JMY: variants seen among roughly 807,000 people sequenced by gnomAD.
JMY encodes the protein junction mediating and regulatory protein, p53 cofactor, also known as junction-mediating and -regulatory protein.
In JMY, 46 loss-of-function variants were observed where a neutral mutation model predicts 103.3. The ratio of observed to expected loss-of-function variants is 0.45; its 90% CI spans 0.35 to 0.57. JMY has a LOEUF of 0.57. Among genes scored for constraint, JMY ranks in the 20% least tolerant of loss-of-function variants. The pLI, the probability that JMY is intolerant of heterozygous loss-of-function variation, is 0.00. For missense variants in JMY, 1,238 were observed against 1,255.2 expected (o/e 0.99, Z 0.21); for synonymous variants, 526 against 489.3 (o/e 1.07, Z -0.99).
At chr5:79,275,157 T>G (rs1251489401) in intron 1 of JMY, among the ~76,000 whole-genome samples, 4 of 135,206 alleles carry the variant, frequency 3.0e-5, no homozygotes, top group Non-Finnish European at 4.8e-5. Flanking sequence ...TTTCTGAGGG[T>G]TTTTTTTTTT....
chr5:79,278,631 G>A (rs1746019155), intron 2 of JMY, among the ~76,000 whole-genome samples: 2 of 145,798 alleles, frequency 1.4e-5, no homozygotes, highest in Admixed American at 6.9e-5. Context: ...AGCTGGATGT[G>A]GTGGCACATG....
chr5:79,268,710 G>C (rs181743604), intron 1 of JMY, among the ~76,000 whole-genome samples: 18 of 151,958 alleles, frequency 1.2e-4, no homozygotes, highest in Non-Finnish European at 4.4e-5. Flanking sequence ...GGATGGTCTC[G>C]ATCTCTTGAC....
At chr5:79,239,150 A>G (rs940183230) in intron 1 of JMY, among the ~76,000 whole-genome samples, 1 of 152,202 alleles carries the variant, frequency 6.6e-6, no homozygotes, top group Non-Finnish European at 1.5e-5. Flanking sequence ...CTTATACCAT[A>G]GTACTCTCTT....
At chr5:79,256,337 C>T (rs947252163) in intron 1 of JMY, among the ~76,000 whole-genome samples, 2 of 152,124 alleles carry the variant, frequency 1.3e-5, no homozygotes, top group Non-Finnish European at 2.9e-5. Context: ...GCAGTAGCTT[C>T]TCCTATAGTC....
intron 1 of JMY, among the ~76,000 whole-genome samples, chr5:79,277,326 G>A (rs1422362427): frequency 6.6e-6 from 1 of 151,866 alleles, no homozygotes; most frequent in African/African-American, 2.4e-5. Context: ...CATTCTACTA[G>A]ATAGCAGAAA....
intron 2 of JMY, among the ~76,000 whole-genome samples, chr5:79,286,500 G>A (rs1308087537): frequency 1.3e-5 from 2 of 151,984 alleles, no homozygotes; most frequent in Non-Finnish European, 2.9e-5. Flanking sequence ...TAAATTAGCC[G>A]GGTGTGGTGG....
intron 1 of JMY, among the ~76,000 whole-genome samples, chr5:79,268,669 T>C (rs1391526647): frequency 1.3e-5 from 2 of 151,938 alleles, no homozygotes; most frequent in Non-Finnish European, 2.9e-5. Flanking sequence ...TTTATACTTT[T>C]AATAGAGACG....
rs773469563 is a variant in JMY, at chr5:79,291,088, G to A, written c.1358-42G>A. 11 of 1,406,266 alleles carry A rather than the reference G, an allele frequency of 7.8e-6. No homozygotes were observed. The Admixed American group carries it at 2.1e-4, about 27-fold the overall frequency. The allele number at this position is 1,406,266 out of a possible 1,614,324, so 87.1% of individuals were successfully genotyped here. A position where few individuals can be genotyped will look rare whatever the true frequency, so the allele number is the denominator to read the frequency against. ...TCTTTTTCAAATGCTTCAGTATTAA[G>A]TTGTTATTTGTCTTAATTTCTCTTT... On this transcript the variant is annotated intron_variant, in intron 3 of 10. Coordinates refer to ENST00000396137, the MANE Select transcript of JMY (RefSeq NM_152405.5).
intron 1 of JMY, among the ~76,000 whole-genome samples, chr5:79,248,351 G>C (rs375924216): frequency 1.3e-5 from 2 of 152,012 alleles, no homozygotes; most frequent in Middle Eastern, 3.4e-3. Context: ...CTGTCACCCA[G>C]GCTGGAGTGC....
chr5:79,280,708 T>G (rs1261618820), intron 2 of JMY, among the ~76,000 whole-genome samples: 1 of 152,222 alleles, frequency 6.6e-6, no homozygotes, highest in Non-Finnish European at 1.5e-5. Context: ...TCACACAACC[T>G]TGTAAGTTGG....
At position 79,236,798 on chromosome 5, in the gene JMY, AC is replaced by A; in HGVS notation, c.149del (p.Thr50ArgfsTer133). 1 of 1,509,466 alleles carries A rather than the reference AC, an allele frequency of 6.6e-7. No individual in the cohort carries two copies. The highest frequency in any genetic ancestry group is 8.9e-7 in the Non-Finnish European group (1 of 1,127,290). 93.5% of individuals were successfully genotyped at this position (1,509,466 alleles called of 1,614,324 possible). A position where few individuals can be genotyped will look rare whatever the true frequency, so the allele number is the denominator to read the frequency against. On this transcript the variant is annotated frameshift_variant, in exon 1 of 11. Coordinates refer to ENST00000396137, the MANE Select transcript of JMY (RefSeq NM_152405.5). LOFTEE classifies it high-confidence loss of function. Reference sequence around the variant, plus strand: ...GTTTGCCATAACCTGCCACAACCGGACGGCCCAGAGGCAGAGGAGCGGCTCC... The same window carrying A: ...GTTTGCCATAACCTGCCACAACCGGAGGCCCAGAGGCAGAGGAGCGGCTCC... The part of the protein sequence containing the change: ...GKFAITCHNR[T>X]AQRQRSGSRE...
At chr5:79,319,195 T>G (rs533140248) in intron 10 of JMY, among the ~76,000 whole-genome samples, 1 of 152,364 alleles carries the variant, frequency 6.6e-6, no homozygotes, top group African/African-American at 2.4e-5. Context: ...TCATAGCTTC[T>G]GGCTACTAAT....
intron 1 of JMY, among the ~76,000 whole-genome samples, chr5:79,250,412 C>A (rs767295619): frequency 5.3e-5 from 8 of 152,132 alleles, no homozygotes; most frequent in Non-Finnish European, 1.2e-4. Context: ...TTTTTCTTGT[C>A]AATTTTATTG....
intron 8 of JMY, 111 bp from the exon 9 acceptor site, chr5:79,314,146 A>C: frequency 6.7e-7 from 1 of 1,485,620 alleles, no homozygotes; most frequent in Non-Finnish European, 8.9e-7. Context: ...GGCGTGAGCC[A>C]CCACACCCGG....
Position 79,237,385 on chromosome 5 carries a change from G to C in JMY, c.735G>C (p.Leu245=). 1 of 1,613,416 alleles carries C rather than the reference G, an allele frequency of 6.2e-7. No homozygotes were observed. Among genetic ancestry groups the C allele is most frequent in the Non-Finnish European group, 8.5e-7 (1 of 1,179,952 alleles). ...ACCTGCGCGCCGTGCACCAGCAGCT[G>C]TGCTCGGTGAACTCGCAGTTGGAGC... The part of the protein sequence containing the change: ...FQDLRAVHQQ[L]CSVNSQLEPC... The change falls in exon 1 of 11, where the codon CTG becomes CTC. Residue 245 remains leucine, a synonymous_variant. Coordinates refer to ENST00000396137, the MANE Select transcript of JMY (RefSeq NM_152405.5).
chr5:79,256,487 A>C (rs995829775), intron 1 of JMY, among the ~76,000 whole-genome samples: 3 of 151,924 alleles, frequency 2.0e-5, no homozygotes, highest in Non-Finnish European at 2.9e-5. Context: ...GTCTCGCCCC[A>C]CCCCATAGCT....
chr5:79,268,648 C>A (rs530972095), intron 1 of JMY, among the ~76,000 whole-genome samples: 30 of 151,892 alleles, frequency 2.0e-4, no homozygotes, highest in Non-Finnish European at 3.4e-4. Context: ...CCACCATGCC[C>A]GGCTAATTTT....
chr5:79,316,399 G>T, intron 10 of JMY, 89 bp downstream of exon 10: 1 of 997,560 alleles, frequency 1.0e-6, no homozygotes, highest in Non-Finnish European at 1.5e-6. Context: ...TTGAGCCTGA[G>T]GCATATCGTT....
intron 1 of JMY, among the ~76,000 whole-genome samples, chr5:79,240,030 T>C (rs1351886770): frequency 6.6e-6 from 1 of 151,806 alleles, no homozygotes; most frequent in African/African-American, 2.4e-5. Context: ...TTCTTTTTTT[T>C]TTTGAGATGG....
Sources: gnomAD v4.1 joint callset for allele counts (sites outside exome capture counted in the v4.1 genomes callset) on GRCh38, gnomAD v4.1.1 for gene constraint, MANE v1.5 for transcripts, NCBI Gene and HGNC (gene_info 2026-07-23, HGNC 2026-07-21) for gene names.